Variants in BCAT1 observed in about 807,000 individuals in gnomAD.
BCAT1 encodes branched chain amino acid transaminase 1.
A neutral mutation model predicts 52.4 loss-of-function variants in BCAT1; 48 were observed. The observed-to-expected ratio is 0.92, with a 90% CI of 0.73 to 1.16. The LOEUF is 1.16. Among genes scored for constraint, BCAT1 ranks in the 50% most tolerant of loss-of-function variants. The pLI is 0.00. For missense variants in BCAT1, 451 were observed against 457.1 expected, an observed-to-expected ratio of 0.99 and a Z score of 0.12; for synonymous variants, 167 against 161.3, an observed-to-expected ratio of 1.04 and a Z score of -0.27.
At chr12:24,926,437 C>A (rs1248718082) in intron 1 of BCAT1, among the ~76,000 whole-genome samples, 1 of 152,240 alleles carries the variant, frequency 6.6e-6, no homozygotes, top group Non-Finnish European at 1.5e-5. Context: ...CTCTGCCCGG[C>A]CGCCACCCCG....
intron 10 of BCAT1, among the ~76,000 whole-genome samples, chr12:24,825,515 T>C (rs114462835): frequency 5.2e-4 from 79 of 152,134 alleles, no homozygotes; most frequent in African/African-American, 1.9e-3. Context: ...AAGTGGATTT[T>C]ACATTGTGGT....
At chr12:24,874,209 G>A (rs1213139602) in intron 5 of BCAT1, among the ~76,000 whole-genome samples, 2 of 152,144 alleles carry the variant, frequency 1.3e-5, no homozygotes, top group Non-Finnish European at 2.9e-5. Flanking sequence ...CGCTAATCAG[G>A]AGGCTGAGGC....
intron 5 of BCAT1, among the ~76,000 whole-genome samples, chr12:24,877,291 TC>T (rs1942375155): frequency 6.6e-6 from 1 of 152,214 alleles, no homozygotes; most frequent in Non-Finnish European, 1.5e-5. Flanking sequence ...CTCCATATGT[TC>T]CCTATCTCTT....
chr12:24,924,720 A>G (rs1591880036), intron 1 of BCAT1, among the ~76,000 whole-genome samples: 1 of 152,220 alleles, frequency 6.6e-6, no homozygotes, highest in African/African-American at 2.4e-5. Context: ...AACTATAAAG[A>G]GTAATATGTA....
Position 24,883,802 on chromosome 12 carries a change from TA to T in BCAT1, c.280-2392del, listed in dbSNP as rs1942576588. ...CAGATCATCAAGCATTAGATTCTCA[TA>T]AAAAGTGCACCACCTAGATTCCTGC... is the stretch of plus-strand genomic sequence containing the variant. On this transcript the variant is annotated intron_variant, in intron 3 of 10. Coordinates refer to ENST00000261192, the MANE Select transcript of BCAT1 (RefSeq NM_005504.7). Among the ~76,000 whole-genome samples the T allele has an allele frequency of 5.3e-5, 8 of 152,228 alleles. No homozygotes were observed. The South Asian group carries it at 1.7e-3, about 32-fold the overall frequency.
At chr12:24,896,305 C>T (rs1942959411) in intron 2 of BCAT1, among the ~76,000 whole-genome samples, 1 of 152,172 alleles carries the variant, frequency 6.6e-6, no homozygotes, top group Admixed American at 6.5e-5. Flanking sequence ...GGTAGGGGGT[C>T]AGGCAGACTT....
intron 5 of BCAT1, among the ~76,000 whole-genome samples, chr12:24,859,434 C>T (rs1941787008): frequency 6.6e-6 from 1 of 151,954 alleles, no homozygotes; most frequent in African/African-American, 2.4e-5. Flanking sequence ...TCCTGGCTAA[C>T]ATGGTGAAAC....
At chr12:24,868,787 C>T (rs905307548) in intron 5 of BCAT1, among the ~76,000 whole-genome samples, 6 of 152,060 alleles carry the variant, frequency 3.9e-5, no homozygotes, top group African/African-American at 1.5e-4. Context: ...ACTTTAACTA[C>T]TTTAAAACTA....
At position 24,849,874 on chromosome 12, in the gene BCAT1, T is replaced by A; in HGVS notation, c.586A>T (p.Ser196Cys). The A allele has an allele frequency of 6.2e-7, 1 of 1,613,850 alleles. No individual in the cohort carries two copies. The highest frequency in any genetic ancestry group is 8.5e-7 in the Non-Finnish European group (1 of 1,179,808). Reference protein sequence around the residue: ...LLSPVGPYFSSGTFNPVSLWA... With the variant: ...LLSPVGPYFSCGTFNPVSLWA... ...AGGGACACTGGATTAAAGGTTCCAC[T>A]TGAAAAATAAGGTCCCACTGGGCTC... Residue 196 changes from serine (S) to cysteine (C), a missense_variant, in exon 6 of 11, where the codon AGT becomes TGT. Ser to Cys is a moderately radical substitution (Grantham distance 112). Coordinates refer to ENST00000261192, the MANE Select transcript of BCAT1 (RefSeq NM_005504.7).
At chr12:24,901,726 C>T in intron 2 of BCAT1, 88 bp downstream of exon 2, 1 of 1,363,936 alleles carries the variant, frequency 7.3e-7, no homozygotes, top group Non-Finnish European at 1.0e-6. Context: ...GTAACCCACA[C>T]AGTGAAAATT....
chr12:24,832,831 G>T lies in BCAT1; in HGVS notation c.936C>A (p.Thr312=), dbSNP rs368297295. Residue 312 remains threonine (T), a synonymous_variant, in exon 9 of 11, where the codon ACC becomes ACA. Transcript: ENST00000261192. Reference sequence around the variant, plus strand: ...CCAGGGCTGTTGTCAAGTCATCCATGGTGAGGTATCTCTCTGACACCTTAA... The same window carrying T: ...CCAGGGCTGTTGTCAAGTCATCCATTGTGAGGTATCTCTCTGACACCTTAA... ...GEFKVSERYL[T]MDDLTTALEG... 8 of 1,612,046 alleles carry T rather than the reference G, an allele frequency of 5.0e-6. No individual in the cohort carries two copies. In the African/African-American group the frequency reaches 6.7e-5, roughly 13 times the overall value.
At position 24,943,795 on chromosome 12, in the gene BCAT1, T is replaced by C. The variant is rs567472061; in HGVS notation, c.6+5132A>G. The stretch of plus-strand genomic sequence containing the variant: ...GTCAGGAGATCAAGACCTTCCTGGC[T>C]AACATGGTGAAACCCCGTCTCTACA... On this transcript the variant is annotated intron_variant, in intron 1 of 10. Transcript: ENST00000261192. 2.3e-3 allele frequency among the ~76,000 whole-genome samples: 356 copies of C among 151,722 alleles called. 3 individuals carry two copies. The highest frequency in any genetic ancestry group is 0.014 in the Middle Eastern group (4 of 294).
intron 3 of BCAT1, among the ~76,000 whole-genome samples, chr12:24,892,589 A>T (rs1942873414): frequency 6.6e-6 from 1 of 152,218 alleles, no homozygotes; most frequent in Non-Finnish European, 1.5e-5. Context: ...GCAGTGGCTC[A>T]TGGCTGTCAT....
intron 1 of BCAT1, among the ~76,000 whole-genome samples, chr12:24,907,640 GC>G (rs1380984111): frequency 6.6e-6 from 1 of 152,100 alleles, no homozygotes; most frequent in Non-Finnish European, 1.5e-5. Context: ...CCTTGTGAAT[GC>G]ACTTTGTATG....
intron 2 of BCAT1, 93 bp downstream of exon 2, chr12:24,901,721 C>A (rs1030214685): frequency 1.5e-6 from 2 of 1,324,424 alleles, no homozygotes. Flanking sequence ...ACTGGGTAAC[C>A]CACACAGTGA....
intron 6 of BCAT1, among the ~76,000 whole-genome samples, chr12:24,847,570 T>A (rs1941384001): frequency 6.6e-6 from 1 of 151,998 alleles, no homozygotes; most frequent in African/African-American, 2.4e-5. Flanking sequence ...AGATAATTTG[T>A]GTGTGTGTGT....
intron 1 of BCAT1, among the ~76,000 whole-genome samples, chr12:24,948,649 G>A (rs1943972772): frequency 6.6e-6 from 1 of 152,176 alleles, no homozygotes; most frequent in South Asian, 2.1e-4. Context: ...AAGCAGGGGA[G>A]GGAGCTGTAG....
intron 1 of BCAT1, among the ~76,000 whole-genome samples, chr12:24,947,172 C>T (rs1279348650): frequency 1.4e-5 from 1 of 71,748 alleles, no homozygotes; most frequent in Non-Finnish European, 3.0e-5. Context: ...TCCCTCCACA[C>T]ACACACACAC....
chr12:24,915,052 C>A (rs1394261956), intron 1 of BCAT1, among the ~76,000 whole-genome samples: 1 of 152,040 alleles, frequency 6.6e-6, no homozygotes, highest in African/African-American at 2.4e-5. Flanking sequence ...TTTGCAAAGT[C>A]AGTTTAGTCT....
Sources: gnomAD v4.1 joint callset for allele counts (sites outside exome capture counted in the v4.1 genomes callset) on GRCh38, gnomAD v4.1.1 for gene constraint, MANE v1.5 for transcripts, NCBI Gene and HGNC (gene_info 2026-07-23, HGNC 2026-07-21) for gene names.